The following CR1 variants were observed in gnomAD, a reference collection of about 807,000 sequenced individuals.
CR1 encodes the protein complement C3b/C4b receptor 1 (Knops blood group).
Under a neutral mutation model 187.3 loss-of-function variants are expected in CR1, and 116 were observed. The observed-to-expected ratio is 0.62, with a 90% CI of 0.53 to 0.72. The LOEUF is 0.72. CR1 is among the 30% of genes least tolerant of loss of function. The pLI, the probability that CR1 is intolerant of heterozygous loss-of-function variation, is 0.00. For synonymous variants in CR1, 576 were observed against 747.1 expected (o/e 0.77, Z 3.73); for missense variants, 1,731 against 2,110.7 (o/e 0.82, Z 3.52).
rs1199127805 is a variant in CR1, at chr1:207,640,406, A to AT, written c.*999dup. 1 of 152,262 alleles carries AT rather than the reference A, an allele frequency of 6.6e-6. No individual in the cohort carries two copies. The highest frequency in any genetic ancestry group is 1.5e-5 in the Non-Finnish European group (1 of 68,072). 9.4% of individuals were successfully genotyped at this position (152,262 alleles called of 1,614,324 possible). A position where few individuals can be genotyped will look rare whatever the true frequency, so the allele number is the denominator to read the frequency against. ...TGCCTCGGCCTCCCAAAGTGCTGCG[A>AT]TTACAGGCATGAGCCACCGCGCCTG... On this transcript the variant is annotated 3_prime_UTR_variant, in exon 47 of 47. Transcript: ENST00000367049.
At chr1:207,630,873 A>G (rs531281438) in intron 46 of CR1, among the ~76,000 whole-genome samples, 1 of 152,146 alleles carries the variant, frequency 6.6e-6, no homozygotes, top group South Asian at 2.1e-4. Context: ...AATTTCCTGT[A>G]TTTATGCTAT....
At chr1:207,515,527 A>C (rs1418259527) in intron 4 of CR1, among the ~76,000 whole-genome samples, 2 of 151,964 alleles carry the variant, frequency 1.3e-5, no homozygotes, top group East Asian at 3.8e-4. Context: ...TGCTTCCTAA[A>C]TTTTATATTA....
chr1:207,595,153 A>C (rs894799774), intron 35 of CR1, among the ~76,000 whole-genome samples: 2 of 151,848 alleles, frequency 1.3e-5, no homozygotes, highest in East Asian at 1.9e-4. Context: ...AAAAAAAAAA[A>C]AAAACACCAA....
chr1:207,511,525 A>G, intron 3 of CR1, 44 bp from the exon 4 acceptor site: 1 of 1,578,054 alleles, frequency 6.3e-7, no homozygotes, highest in Non-Finnish European at 8.7e-7. Flanking sequence ...TGGGTAGTTG[A>G]CCTGTGTCTT....
chr1:207,636,119 C>A (rs1385312868), intron 46 of CR1, among the ~76,000 whole-genome samples: 1 of 152,032 alleles, frequency 6.6e-6, no homozygotes, highest in Non-Finnish European at 1.5e-5. Flanking sequence ...ATGGCTGTTT[C>A]TCGATGGTTG....
Position 207,639,837 on chromosome 1 carries a change from A to T in CR1, c.*428A>T, listed in dbSNP as rs536470385. The T allele has an allele frequency of 6.4e-6, 1 of 156,026 alleles. No individual in the cohort carries two copies. The highest frequency in any genetic ancestry group is 2.4e-5 in the African/African-American group (1 of 41,712). The allele number at this position is 156,026 out of a possible 1,614,324, so 9.7% of individuals were successfully genotyped here. A position where few individuals can be genotyped will look rare whatever the true frequency, so the allele number is the denominator to read the frequency against. On this transcript the variant is annotated 3_prime_UTR_variant, in exon 47 of 47. Transcript: ENST00000367049. ...AGTTATGAAAAATAAGTCACTTATA[A>T]TTATGCTACCTACTGATAACCACTC...
intron 5 of CR1, 32 bp downstream of exon 5, chr1:207,524,041 C>G: frequency 6.2e-7 from 1 of 1,611,676 alleles, no homozygotes; most frequent in Non-Finnish European, 8.5e-7. Context: ...AAGGGCCCTG[C>G]CAGTGACATG....
chr1:207,573,070 A>T (rs919226986), intron 27 of CR1, among the ~76,000 whole-genome samples: 10 of 151,944 alleles, frequency 6.6e-5, no homozygotes, highest in Non-Finnish European at 1.3e-4. Flanking sequence ...GGAGGTTAAG[A>T]CTTCAGCATA....
At chr1:207,584,612 T>C (rs1415926304) in intron 32 of CR1, 37 bp from the exon 33 acceptor site, 18 of 1,602,148 alleles carry the variant, frequency 1.1e-5, no homozygotes, top group Non-Finnish European at 1.4e-5. Flanking sequence ...TACTTTAAAA[T>C]TTTTTATGGA....
chr1:207,584,010 A>C (rs934098270), intron 32 of CR1, among the ~76,000 whole-genome samples: 2 of 152,194 alleles, frequency 1.3e-5, no homozygotes, highest in African/African-American at 4.8e-5. Flanking sequence ...AAAATAAATA[A>C]ATAAACCCTT....
intron 3 of CR1, chr1:207,507,356 C>G (rs1659472858): frequency 6.6e-6 from 1 of 152,342 alleles, no homozygotes; most frequent in Non-Finnish European, 1.5e-5. Context: ...CTTCTTCCAG[C>G]TTCTGGAGCC....
At chr1:207,581,335 T>TGTATATGTATAC (rs1660944161) in intron 31 of CR1, among the ~76,000 whole-genome samples, 4 of 134,412 alleles carry the variant, frequency 3.0e-5, no homozygotes, top group South Asian at 2.1e-4. Flanking sequence ...CATGTACATG[T>TGTATATGTATAC]GTATATGTAT....
intron 46 of CR1, among the ~76,000 whole-genome samples, chr1:207,632,669 G>A (rs1481553783): frequency 6.6e-6 from 1 of 151,842 alleles, no homozygotes; most frequent in Non-Finnish European, 1.5e-5. Flanking sequence ...GTGGTGGTGG[G>A]CGCCTGTAGT....
At chr1:207,592,719 C>T (rs918299008) in intron 35 of CR1, among the ~76,000 whole-genome samples, 6 of 152,082 alleles carry the variant, frequency 3.9e-5, no homozygotes, top group South Asian at 2.1e-4. Context: ...TTAAAATATC[C>T]GTAATCTGAT....
At chr1:207,501,096 T>G (rs1659252744) in intron 1 of CR1, among the ~76,000 whole-genome samples, 1 of 152,206 alleles carries the variant, frequency 6.6e-6, no homozygotes, top group Non-Finnish European at 1.5e-5. Context: ...CAAATCAATC[T>G]GTAGTAAGAG....
At chr1:207,522,537 G>A (rs1200975610) in intron 4 of CR1, among the ~76,000 whole-genome samples, 2 of 152,130 alleles carry the variant, frequency 1.3e-5, no homozygotes, top group Non-Finnish European at 2.9e-5. Flanking sequence ...CAGCCCAGTT[G>A]CCAAGCCCAA....
At chr1:207,522,167 A>G (rs1660019421) in intron 4 of CR1, among the ~76,000 whole-genome samples, 1 of 152,174 alleles carries the variant, frequency 6.6e-6, no homozygotes, top group East Asian at 1.9e-4. Flanking sequence ...GGCCTTAGAT[A>G]ACCCATCTTC....
intron 43 of CR1, among the ~76,000 whole-genome samples, chr1:207,621,328 C>G (rs866070742): frequency 1.3e-5 from 2 of 151,938 alleles, no homozygotes; most frequent in African/African-American, 4.8e-5. Context: ...ACACCCAATA[C>G]AAAGCAAGGA....
At chr1:207,605,547 C>CTGAAA (rs1661726289) in intron 35 of CR1, among the ~76,000 whole-genome samples, 5 of 152,142 alleles carry the variant, frequency 3.3e-5, no homozygotes, top group Admixed American at 3.3e-4. Context: ...CATACATAGG[C>CTGAAA]TGGAACCTTC....
Sources: gnomAD v4.1 joint callset for allele counts (sites outside exome capture counted in the v4.1 genomes callset) on GRCh38, gnomAD v4.1.1 for gene constraint, MANE v1.5 for transcripts, NCBI Gene and HGNC (gene_info 2026-07-23, HGNC 2026-07-21) for gene names.